AOX1: variants seen among roughly 807,000 people sequenced by gnomAD.
AOX1 encodes aldehyde oxidase.
In AOX1, 153 loss-of-function variants were observed where a neutral mutation model predicts 169.5. That is an observed-to-expected ratio of 0.90 (90% CI 0.79 to 1.03). The LOEUF (loss-of-function observed/expected upper bound fraction) is 1.03, where lower values mean the gene tolerates loss of function less well. Ranked by LOEUF, AOX1 falls within the 50% of genes least tolerant of loss-of-function variation. AOX1 has a pLI of 0.00. For synonymous variants in AOX1, 562 were observed against 581.9 expected, an observed-to-expected ratio of 0.97 and a Z score of 0.49; for missense variants, 1,656 against 1,663.9, an observed-to-expected ratio of 1.00 and a Z score of 0.08.
At chr2:200,605,991 A>C (rs531565560) in intron 10 of AOX1, among the ~76,000 whole-genome samples, 3 of 152,366 alleles carry the variant, frequency 2.0e-5, no homozygotes, top group African/African-American at 7.2e-5. Flanking sequence ...TAGTTTAATT[A>C]GATCCCATTT....
At chr2:200,660,161 A>G in intron 29 of AOX1, 92 bp downstream of exon 29, 1 of 1,079,650 alleles carries the variant, frequency 9.3e-7, no homozygotes, top group Non-Finnish European at 1.4e-6. Context: ...ATCTGTAGAA[A>G]GGGCATTTGC....
In AOX1 at chr2:200,602,320, T is replaced by C. The variant is rs754234851; in HGVS notation, c.473T>C (p.Ile158Thr). Residue 158 changes from isoleucine to threonine, a missense_variant, in exon 6 of 35, where the codon ATT becomes ACT. Coordinates refer to ENST00000374700, the MANE Select transcript of AOX1 (RefSeq NM_001159.4). Reference protein sequence around the residue: ...LCRCTGYRPIIDACKTFCKTS... With the variant: ...LCRCTGYRPITDACKTFCKTS... Reference sequence around the variant, plus strand: ...CGTTGCACTGGATACAGGCCCATAATTGATGCATGCAAGACTTTCTGTAAA... The same window carrying C: ...CGTTGCACTGGATACAGGCCCATAACTGATGCATGCAAGACTTTCTGTAAA... 36 of 1,613,896 alleles carry C rather than the reference T, an allele frequency of 2.2e-5. No homozygotes were observed. Among genetic ancestry groups the C allele is most frequent in the Admixed American group, 6.7e-5 (4 of 59,980 alleles).
chr2:200,623,741 C>A, intron 18 of AOX1, 120 bp from the exon 19 acceptor site: 3 of 1,472,854 alleles, frequency 2.0e-6, no homozygotes, highest in South Asian at 1.2e-5. Context: ...AGGGGTCACA[C>A]CTGTGTGTAT....
chr2:200,590,476 T>A (rs1371976215), intron 1 of AOX1, among the ~76,000 whole-genome samples: 1 of 151,992 alleles, frequency 6.6e-6, no homozygotes, highest in Non-Finnish European at 1.5e-5. Context: ...AGTCCTAACC[T>A]CCCTGTATCA....
intron 10 of AOX1, 139 bp from the exon 11 acceptor site, chr2:200,608,845 A>G: frequency 1.4e-6 from 1 of 716,928 alleles, no homozygotes; most frequent in Non-Finnish European, 2.3e-6. Context: ...CACCACCATC[A>G]CTGCCCATCA....
rs559288335 is a variant in AOX1 at position 200,639,993 on chromosome 2, C to T, written c.2569-1105C>T. Among the ~76,000 whole-genome samples the T allele has an allele frequency of 1.5e-4, 23 of 148,892 alleles. 1 individual carries two copies. The highest frequency in any genetic ancestry group is 9.4e-4 in the Admixed American group (14 of 14,840). ...CAGAGGTTGCAGTGAGCCAAAATCG[C>T]GCCACTGCACTCCAGCCCGGGTGAC... On this transcript the variant is annotated intron_variant, in intron 23 of 34. Transcript: ENST00000374700.
exon 5 of AOX1, chr2:200,676,994 G>T: frequency 2.2e-6 from 1 of 464,724 alleles, no homozygotes; most frequent in South Asian, 1.6e-5. Flanking sequence ...AGATGAACTT[G>T]GTTTGTTTGT....
At chr2:200,611,251 G>A (rs368180621) in intron 12 of AOX1, 133 bp from the exon 13 acceptor site, 216 of 674,070 alleles carry the variant, frequency 3.2e-4, no homozygotes, top group Non-Finnish European at 4.7e-4. Context: ...AAAGATTTGC[G>A]AAGCATAGGA....
At chr2:200,618,566 T>G (rs747651545) in intron 16 of AOX1, among the ~76,000 whole-genome samples, 3 of 152,218 alleles carry the variant, frequency 2.0e-5, no homozygotes, top group African/African-American at 4.8e-5. Context: ...TTGAACATGT[T>G]CTGAAATAAC....
intron 10 of AOX1, among the ~76,000 whole-genome samples, chr2:200,608,165 T>TA (rs780506432): frequency 3.3e-5 from 5 of 150,580 alleles, no homozygotes; most frequent in South Asian, 2.1e-4. Flanking sequence ...ACAGAAAGCA[T>TA]AAAAAAAAAG....
chr2:200,654,586 G>A (rs1559257154), intron 26 of AOX1, among the ~76,000 whole-genome samples: 4 of 152,188 alleles, frequency 2.6e-5, no homozygotes, highest in African/African-American at 7.2e-5. Context: ...GGCACAGACA[G>A]GACCTAACCA....
chr2:200,672,106 G>C (rs185664562), downstream of AOX1, among the ~76,000 whole-genome samples: 25 of 152,290 alleles, frequency 1.6e-4, no homozygotes, highest in Admixed American at 1.4e-3. Flanking sequence ...CAAATTCACA[G>C]ACACAAAGTA....
Position 200,651,119 on chromosome 2 carries a change from C to G in AOX1, c.2993C>G (p.Ala998Gly). 1 of 1,614,172 alleles carries G rather than the reference C, an allele frequency of 6.2e-7. No homozygotes were observed. The highest frequency in any genetic ancestry group is 8.5e-7 in the Non-Finnish European group (1 of 1,180,026). ...AAAGTTGCTGTGGAAAAGTTCAATG[C>G]AGAGAATTATTGGAAGAAGAAAGGA... ...LRKVAVEKFN[A>G]ENYWKKKGLA... The change falls in exon 26 of 35, where the codon GCA (alanine) becomes GGA (glycine). Residue 998 changes from alanine to glycine, a missense_variant. Physicochemically the swap from Ala to Gly is moderately conservative, Grantham distance 60 (BLOSUM62 0). Coordinates refer to ENST00000374700, the MANE Select transcript of AOX1 (RefSeq NM_001159.4).
chr2:200,661,159 G>A (rs3769833), intron 29 of AOX1, among the ~76,000 whole-genome samples: 57,711 of 152,062 alleles, frequency 0.38, 12,528 homozygotes, highest in Non-Finnish European at 0.51. Flanking sequence ...GTCCAGAAAG[G>A]ATTGACAGTT....
intron 31 of AOX1, 23 bp from the exon 32 acceptor site, chr2:200,666,663 AT>A: frequency 1.3e-6 from 2 of 1,570,212 alleles, no homozygotes; most frequent in Non-Finnish European, 1.7e-6. Context: ...TAAAATAAAC[AT>A]TTTAACTTTT....
At chr2:200,597,142 G>C (rs2034299392) in intron 3 of AOX1, among the ~76,000 whole-genome samples, 1 of 152,114 alleles carries the variant, frequency 6.6e-6, no homozygotes, top group African/African-American at 2.4e-5. Context: ...ACACCATTCT[G>C]GAATTAGAAT....
chr2:200,595,036 C>T (rs929049502), intron 2 of AOX1, among the ~76,000 whole-genome samples: 1 of 152,066 alleles, frequency 6.6e-6, no homozygotes, highest in Non-Finnish European at 1.5e-5. Context: ...GGCAACCTGA[C>T]GTCCAGTTGT....
chr2:200,638,116 G>A (rs780456667), intron 22 of AOX1, 99 bp from the exon 23 acceptor site: 13 of 1,005,462 alleles, frequency 1.3e-5, no homozygotes, highest in Admixed American at 7.4e-5. Flanking sequence ...TCTGTGAGGC[G>A]TGTAGGCTCC....
chr2:200,645,699 C>G (rs2035440569), intron 25 of AOX1, among the ~76,000 whole-genome samples: 1 of 152,086 alleles, frequency 6.6e-6, no homozygotes, highest in Non-Finnish European at 1.5e-5. Context: ...CCTTCTGGTC[C>G]TGGACTTTTT....
Sources: allele counts gnomAD v4.1 joint callset (sites outside exome capture counted in the v4.1 genomes callset), GRCh38; gene constraint gnomAD v4.1.1; transcripts MANE v1.5; gene names NCBI Gene and HGNC (gene_info 2026-07-23, HGNC 2026-07-21).